Variants in LRRC4C observed in about 807,000 individuals in gnomAD.
The protein encoded by LRRC4C is leucine-rich repeat-containing protein 4C.
LRRC4C carries 5 observed loss-of-function variants against 33.6 expected under a neutral mutation model. The ratio of observed to expected loss-of-function variants is 0.15; its 90% CI spans 0.08 to 0.31. LRRC4C has a LOEUF of 0.31. Ranked by LOEUF, LRRC4C falls within the 10% of genes least tolerant of loss-of-function variation. The pLI is 1.00. For missense variants in LRRC4C, 560 were observed against 796.7 expected (o/e 0.70, Z 3.58); for synonymous variants, 329 against 302.0 (o/e 1.09, Z -0.93).
At chr11:41,205,879 C>A (rs996166080) in intron 1 of LRRC4C, among the ~76,000 whole-genome samples, 3 of 152,008 alleles carry the variant, frequency 2.0e-5, no homozygotes, top group Admixed American at 6.6e-5. Flanking sequence ...ATGTCAAAGG[C>A]AGAATTTAAA....
At chr11:41,100,018 T>C (rs1941069420) in intron 1 of LRRC4C, among the ~76,000 whole-genome samples, 1 of 151,814 alleles carries the variant, frequency 6.6e-6, no homozygotes, top group South Asian at 2.1e-4. Flanking sequence ...CAAAAAAAAG[T>C]ACAAAAATCA....
intron 1 of LRRC4C, among the ~76,000 whole-genome samples, chr11:41,253,060 C>G (rs192167475): frequency 2.6e-5 from 4 of 152,164 alleles, no homozygotes; most frequent in African/African-American, 9.6e-5. Context: ...AGAGTCAAGA[C>G]GATCATTCAC....
In LRRC4C at chr11:40,631,722, A is replaced by C. The variant is rs557700327; in HGVS notation, c.-270+16420T>G. Among the ~76,000 whole-genome samples, 22 of 152,318 alleles carry C rather than the reference A, an allele frequency of 1.4e-4. No homozygotes were observed. In the South Asian group the frequency reaches 4.6e-3, roughly 32 times the overall value. On this transcript the variant is annotated intron_variant, in intron 3 of 6. Transcript: ENST00000528697. The stretch of plus-strand genomic sequence containing the variant: ...AATGTTGCTTGGAATAGCGCTCTGC[A>C]AATATTATCTGAGATCCAAAGTAGT...
At chr11:40,222,062 C>G (rs1373327877) in intron 5 of LRRC4C, among the ~76,000 whole-genome samples, 3 of 152,040 alleles carry the variant, frequency 2.0e-5, no homozygotes, top group Non-Finnish European at 4.4e-5. Context: ...ACAGCTTTCC[C>G]ATTTCCAGGT....
chr11:41,101,878 G>A (rs879428803), intron 1 of LRRC4C, among the ~76,000 whole-genome samples: 5 of 152,052 alleles, frequency 3.3e-5, no homozygotes, highest in African/African-American at 1.2e-4. Context: ...AACTAACACA[G>A]AAACAGAAAA....
intron 1 of LRRC4C, among the ~76,000 whole-genome samples, chr11:41,081,636 A>G (rs1939578512): frequency 6.6e-6 from 1 of 152,140 alleles, no homozygotes; most frequent in African/African-American, 2.4e-5. Context: ...AGGACTTAGA[A>G]CCATTGGGGT....
At chr11:41,418,356 T>C (rs779117313) in intron 1 of LRRC4C, among the ~76,000 whole-genome samples, 1 of 152,030 alleles carries the variant, frequency 6.6e-6, no homozygotes, top group Non-Finnish European at 1.5e-5. Flanking sequence ...AGGTGCACTA[T>C]AGAAGCAAGT....
At chr11:41,141,950 T>C (rs116136374) in intron 1 of LRRC4C, among the ~76,000 whole-genome samples, 7,227 of 151,714 alleles carry the variant, frequency 0.048, 267 homozygotes, top group African/African-American at 0.1. Flanking sequence ...TTAATATCAA[T>C]ACAAATCATC....
At chr11:40,311,265 G>T (rs1331546937) in intron 4 of LRRC4C, among the ~76,000 whole-genome samples, 1 of 152,164 alleles carries the variant, frequency 6.6e-6, no homozygotes, top group African/African-American at 2.4e-5. Context: ...ATGTTAATGT[G>T]CATCTGTTCC....
chr11:41,203,035 C>CT (rs773970301), intron 1 of LRRC4C, among the ~76,000 whole-genome samples: 2 of 152,208 alleles, frequency 1.3e-5, no homozygotes, highest in Non-Finnish European at 2.9e-5. Flanking sequence ...ATCCACCCGC[C>CT]TCAGCCTCCC....
chr11:41,426,665 A>G (rs1020624923), intron 1 of LRRC4C, among the ~76,000 whole-genome samples: 5 of 152,174 alleles, frequency 3.3e-5, no homozygotes, highest in African/African-American at 9.6e-5. Flanking sequence ...TTCTATTAAT[A>G]TATAGCAAAC....
chr11:40,647,215 C>T (rs1942523444), intron 3 of LRRC4C, among the ~76,000 whole-genome samples: 1 of 152,188 alleles, frequency 6.6e-6, no homozygotes, highest in Admixed American at 6.5e-5. Context: ...TGAGCAATAC[C>T]TTCTACCTTC....
At chr11:40,925,179 G>T in intron 2 of LRRC4C, among the ~76,000 whole-genome samples, 1 of 149,318 alleles carries the variant, frequency 6.7e-6, no homozygotes, top group African/African-American at 2.5e-5. Context: ...CTTCTTCTTT[G>T]CTTCCCCTGT....
chr11:40,634,110 C>T (rs564864575), intron 3 of LRRC4C, among the ~76,000 whole-genome samples: 1 of 152,112 alleles, frequency 6.6e-6, no homozygotes, highest in African/African-American at 2.4e-5. Flanking sequence ...TATTTAAGGA[C>T]CAATGGAAGT....
intron 3 of LRRC4C, among the ~76,000 whole-genome samples, chr11:40,556,033 G>T (rs866495680): frequency 8.6e-5 from 13 of 151,238 alleles, no homozygotes; most frequent in Admixed American, 8.6e-4. Context: ...CTTCTTTCTC[G>T]GTCTTTAGAC....
chr11:41,148,101 C>G (rs997849507), intron 1 of LRRC4C, among the ~76,000 whole-genome samples: 4 of 152,108 alleles, frequency 2.6e-5, no homozygotes, highest in Admixed American at 1.3e-4. Flanking sequence ...TCACTGTAAC[C>G]TCCGCCTCCC....
At chr11:40,234,645 C>T (rs1865433614) in intron 5 of LRRC4C, among the ~76,000 whole-genome samples, 2 of 152,244 alleles carry the variant, frequency 1.3e-5, no homozygotes, top group South Asian at 2.1e-4. Context: ...TTGGCACACG[C>T]ATGTGGTCCC....
chr11:40,914,778 T>C (rs1956867555), intron 2 of LRRC4C, among the ~76,000 whole-genome samples: 1 of 152,216 alleles, frequency 6.6e-6, no homozygotes. Context: ...GCAGATGACA[T>C]GATTATGTAT....
At chr11:40,644,215 G>C (rs1039694960) in intron 3 of LRRC4C, among the ~76,000 whole-genome samples, 4 of 152,262 alleles carry the variant, frequency 2.6e-5, no homozygotes, top group African/African-American at 9.6e-5. Context: ...TCTTAGACTG[G>C]AAACTAATAG....
Sources: allele counts gnomAD v4.1 joint callset (sites outside exome capture counted in the v4.1 genomes callset), GRCh38; gene constraint gnomAD v4.1.1; transcripts MANE v1.5; gene names NCBI Gene and HGNC (gene_info 2026-07-23, HGNC 2026-07-21).